Variants in ECI2 observed in about 807,000 individuals in gnomAD.
ECI2 encodes the protein D3,D2-enoyl-CoA isomerase.
A neutral mutation model predicts 38.4 loss-of-function variants in ECI2; 27 were observed. The ratio of observed to expected loss-of-function variants is 0.70; its 90% CI spans 0.52 to 0.97. The LOEUF (loss-of-function observed/expected upper bound fraction) is 0.97, where lower values mean the gene tolerates loss of function less well. Ranked by LOEUF, ECI2 falls within the 50% of genes least tolerant of loss-of-function variation. ECI2 has a pLI of 0.00. For synonymous variants in ECI2, 168 were observed against 172.0 expected, an observed-to-expected ratio of 0.98 and a Z score of 0.18; for missense variants, 470 against 474.4, an observed-to-expected ratio of 0.99 and a Z score of 0.09.
chr6:4,129,729 C>T (rs1773403304), intron 4 of ECI2, among the ~76,000 whole-genome samples: 1 of 152,084 alleles, frequency 6.6e-6, no homozygotes, highest in South Asian at 2.1e-4. Context: ...GCTCTTTCTG[C>T]CACAATGGAG....
Position 4,125,331 on chromosome 6 carries a change from C to A in ECI2, c.714G>T (p.Leu238=). The change falls in exon 7 of 10, where the codon CTG becomes CTT. Residue 238 remains leucine, a synonymous_variant. Transcript: ENST00000380118. ...VGCFIDFPKP[L]IAVVNGPAVG... ...CAGCTGGACCATTGACCACTGCAAT[C>A]AGAGGCTTAGGAAAATCTATAAAAC... 1 of 1,614,192 alleles carries A rather than the reference C, an allele frequency of 6.2e-7. No homozygotes were observed. The highest frequency in any genetic ancestry group is 2.2e-5 in the East Asian group (1 of 44,882).
At chr6:4,135,407 C>T in intron 1 of ECI2, 104 bp downstream of exon 1, 1 of 1,590,758 alleles carries the variant, frequency 6.3e-7, no homozygotes, top group Non-Finnish European at 8.5e-7. Context: ...CCTGTTGCCA[C>T]CTAGACAATA....
intron 2 of ECI2, among the ~76,000 whole-genome samples, chr6:4,131,989 C>T (rs1305592728): frequency 6.6e-6 from 1 of 152,086 alleles, no homozygotes; most frequent in Admixed American, 6.6e-5. Flanking sequence ...GAACACAGTC[C>T]ACAGGATAAG....
intron 6 of ECI2, 175 bp from the exon 7 acceptor site, chr6:4,125,545 C>G: frequency 3.3e-6 from 3 of 904,032 alleles, no homozygotes; most frequent in Non-Finnish European, 4.9e-6. Context: ...CAGATTCATC[C>G]AGGGCATCCG....
At chr6:4,135,336 G>A (rs1302903201) in intron 1 of ECI2, 175 bp downstream of exon 1, 3 of 1,470,432 alleles carry the variant, frequency 2.0e-6, no homozygotes, top group South Asian at 2.6e-5. Flanking sequence ...CGGTGCAGGA[G>A]GGCGCGCGTG....
At chr6:4,119,313 T>G in intron 7 of ECI2, 38 bp from the exon 8 acceptor site, 1 of 1,476,832 alleles carries the variant, frequency 6.8e-7, no homozygotes. Flanking sequence ...CATCTTTTCA[T>G]GTGTGATTTT....
intron 8 of ECI2, chr6:4,118,484 T>C (rs1561648489): frequency 6.6e-6 from 1 of 152,278 alleles, no homozygotes; most frequent in African/African-American, 2.4e-5. Context: ...GAAAACAAGC[T>C]CAATTCCCAC....
Position 4,123,263 on chromosome 6 carries a change from A to G in ECI2, c.795+1987T>C, listed in dbSNP as rs1273812513. ...ACGATCTCGGCTCACTGCAACCTCT[A>G]CCTCCTGGGTTCAAGCAATTCTCCT... On this transcript the variant is annotated intron_variant, in intron 7 of 9. Transcript: ENST00000380118. Among the ~76,000 whole-genome samples the G allele has an allele frequency of 3.3e-5, 5 of 151,420 alleles. No homozygotes were observed. In the East Asian group the frequency reaches 9.7e-4, roughly 29 times the overall value.
intron 1 of ECI2, among the ~76,000 whole-genome samples, chr6:4,134,875 C>G (rs1022950318): frequency 1.3e-5 from 2 of 152,134 alleles, no homozygotes; most frequent in Non-Finnish European, 2.9e-5. Flanking sequence ...AGCAAAAACA[C>G]GACCATTTAA....
chr6:4,130,099 A>G, intron 4 of ECI2: 1 of 1,610,780 alleles, frequency 6.2e-7, no homozygotes. Flanking sequence ...TCTCATAGCA[A>G]CATGTTTCAT....
At chr6:4,135,462 G>A (rs1287324497) in intron 1 of ECI2, 49 bp downstream of exon 1, 3 of 1,611,342 alleles carry the variant, frequency 1.9e-6, no homozygotes, top group East Asian at 2.2e-5. Flanking sequence ...CCTGGACAGC[G>A]GTATCCTGCG....
In ECI2 at chr6:4,125,208, G is replaced by A. The variant is rs376485977; in HGVS notation, c.795+42C>T. 140 of 1,606,870 alleles carry A rather than the reference G, an allele frequency of 8.7e-5. No individual in the cohort carries two copies. The East Asian group carries it at 1.3e-3, about 15-fold the overall frequency. ...AGGAGGATTCAAAGGCTCTCATCTC[G>A]CGCTGCTTGCCTGACCTCTTGCTTT... is the stretch of plus-strand genomic sequence containing the variant. On this transcript the variant is annotated intron_variant, in intron 7 of 9. Coordinates refer to ENST00000380118, the MANE Select transcript of ECI2 (RefSeq NM_206836.3).
chr6:4,135,540 AG>A lies in ECI2; in HGVS notation c.20del (p.Ala7ValfsTer20). 2 of 1,515,858 alleles carry A rather than the reference AG, an allele frequency of 1.3e-6. No homozygotes were observed. Among genetic ancestry groups the A allele is most frequent in the Non-Finnish European group, 1.8e-6 (2 of 1,119,940 alleles). The allele number at this position is 1,515,858 out of a possible 1,614,324, so 93.9% of individuals were successfully genotyped here. MAMAYLAWRLARRSCPS... is the reference protein window; with the variant it reads MAMAYLXWRLARRSCPS... ...GACACGAACGCCGCGCCAGTCTCCA[AG>A]CCAAGTACGCCATCGCCATCCCTTG... is the stretch of plus-strand genomic sequence containing the variant. On this transcript the variant is annotated frameshift_variant, in exon 1 of 10. Coordinates refer to ENST00000380118, the MANE Select transcript of ECI2 (RefSeq NM_206836.3). LOFTEE classifies it high-confidence loss of function.
intron 3 of ECI2, 79 bp downstream of exon 3, chr6:4,130,688 C>T: frequency 6.2e-7 from 1 of 1,600,468 alleles, no homozygotes; most frequent in Non-Finnish European, 8.6e-7. Context: ...CTTGAAGACT[C>T]CATTTACAAT....
intron 5 of ECI2, among the ~76,000 whole-genome samples, chr6:4,126,582 C>A (rs1251840196): frequency 6.6e-6 from 1 of 152,112 alleles, no homozygotes. Context: ...AAAAAGAGGG[C>A]TGGGAAGAAC....
At chr6:4,129,948 A>G (rs1250494218) in intron 4 of ECI2, among the ~76,000 whole-genome samples, 1 of 152,106 alleles carries the variant, frequency 6.6e-6, no homozygotes, top group Non-Finnish European at 1.5e-5. Flanking sequence ...GTTTAAGATG[A>G]AGTCCTTCTC....
chr6:4,115,894 A>G lies in ECI2; in HGVS notation c.1165T>C (p.Ser389Pro), dbSNP rs752191577. The G allele has an allele frequency of 1.9e-6, 3 of 1,613,466 alleles. No homozygotes were observed. Among genetic ancestry groups the G allele is most frequent in the Non-Finnish European group, 2.5e-6 (3 of 1,179,688 alleles). Residue 389 changes from serine to proline, a missense_variant, in exon 10 of 10, where the codon TCC (serine) becomes CCC (proline). By Grantham distance (74) the Ser-to-Pro change is moderately conservative (BLOSUM62 -1). Transcript: ENST00000380118. Reference sequence around the variant, plus strand: ...GGTCATCACAGTTTTGATTTTCTGGATAAGAAGTTCACCACAGCATTTGTG... The same window carrying G: ...GGTCATCACAGTTTTGATTTTCTGGGTAAGAAGTTCACCACAGCATTTGTG... ...ECTNAVVNFL[S>P]RKSKL
At chr6:4,116,084 C>T (rs1772247210) in intron 9 of ECI2, 55 bp from the exon 10 acceptor site, 1 of 1,564,724 alleles carries the variant, frequency 6.4e-7, no homozygotes, top group African/African-American at 1.4e-5. Flanking sequence ...TGGACGTGGA[C>T]TCATGCCTGT....
chr6:4,132,342 G>A (rs1773540069), intron 2 of ECI2, among the ~76,000 whole-genome samples: 1 of 151,886 alleles, frequency 6.6e-6, no homozygotes, highest in Non-Finnish European at 1.5e-5. Flanking sequence ...TCGGTGTCCA[G>A]AGTTTTTAAC....
Sources: allele counts gnomAD v4.1 joint callset (sites outside exome capture counted in the v4.1 genomes callset), GRCh38; gene constraint gnomAD v4.1.1; transcripts MANE v1.5; gene names NCBI Gene and HGNC (gene_info 2026-07-23, HGNC 2026-07-21).